Variants in ZFHX3 observed in about 807,000 individuals in gnomAD.
ZFHX3 encodes zinc finger homeobox protein 3.
ZFHX3 carries 42 observed loss-of-function variants against 279.1 expected under a neutral mutation model. That is an observed-to-expected ratio of 0.15 (90% CI 0.12 to 0.19). ZFHX3 has a LOEUF of 0.19. Ranked by LOEUF, ZFHX3 falls within the 10% of genes least tolerant of loss-of-function variation. The probability of loss-of-function intolerance (pLI) is 1.00; values close to 1 mark genes in which losing one functional copy is unlikely to be tolerated. For missense variants in ZFHX3, 4,981 were observed against 4,754.0 expected (o/e 1.05, Z -1.40); for synonymous variants, 2,293 against 1,957.8 (o/e 1.17, Z -4.52).
At chr16:73,333,404 A>G (rs1404693339) in intron 3 of ZFHX3, among the ~76,000 whole-genome samples, 1 of 152,234 alleles carries the variant, frequency 6.6e-6, no homozygotes, top group Admixed American at 6.5e-5. Context: ...ATAGACACAC[A>G]GAAAGATACA....
chr16:72,913,057 G>T (rs921769798), intron 3 of ZFHX3, among the ~76,000 whole-genome samples: 2 of 152,156 alleles, frequency 1.3e-5, no homozygotes, highest in Admixed American at 1.3e-4. Context: ...CCTGGTTTTT[G>T]AATTCTGATT....
At chr16:73,000,250 G>A (rs141980598) in intron 1 of ZFHX3, among the ~76,000 whole-genome samples, 5 of 152,326 alleles carry the variant, frequency 3.3e-5, no homozygotes, top group Admixed American at 3.3e-4. Context: ...GAGGAGGGAG[G>A]GACGAAGGGC....
chr16:73,573,833 G>A (rs34120783), intron 2 of ZFHX3, among the ~76,000 whole-genome samples: 28,700 of 152,000 alleles, frequency 0.19, 2,989 homozygotes, highest in African/African-American at 0.25. Flanking sequence ...GTATAAATGC[G>A]TATATGTGTG....
intron 3 of ZFHX3, among the ~76,000 whole-genome samples, chr16:73,443,491 TG>T (rs1430351796): frequency 6.6e-6 from 1 of 152,164 alleles, no homozygotes; most frequent in African/African-American, 2.4e-5. Flanking sequence ...CAAGATCCCT[TG>T]GAGATCCACG....
intron 2 of ZFHX3, chr16:73,679,892 A>AT (rs2052992952): frequency 6.6e-6 from 1 of 152,182 alleles, no homozygotes; most frequent in Non-Finnish European, 1.5e-5. Context: ...AACAGGATTC[A>AT]TTTTTTCCAG....
chr16:73,405,539 CAGAT>C (rs1003160523), intron 3 of ZFHX3, among the ~76,000 whole-genome samples: 1 of 151,756 alleles, frequency 6.6e-6, no homozygotes, highest in African/African-American at 2.4e-5. Flanking sequence ...AAAAGAAACA[CAGAT>C]AGAGGGAAAC....
chr16:73,578,340 T>C (rs1013741567), intron 2 of ZFHX3, among the ~76,000 whole-genome samples: 1 of 151,062 alleles, frequency 6.6e-6, no homozygotes, highest in South Asian at 2.1e-4. Flanking sequence ...TTAGAGATCG[T>C]ATATGGTCTA....
At chr16:73,455,236 C>G (rs560026297) in intron 3 of ZFHX3, among the ~76,000 whole-genome samples, 1 of 152,316 alleles carries the variant, frequency 6.6e-6, no homozygotes, top group African/African-American at 2.4e-5. Context: ...AATAGCACCT[C>G]TTATCTGAGA....
At chr16:73,750,270 C>A (rs563224057) in intron 1 of ZFHX3, among the ~76,000 whole-genome samples, 7 of 152,272 alleles carry the variant, frequency 4.6e-5, no homozygotes, top group Admixed American at 4.6e-4. Flanking sequence ...CCAAGCTCAG[C>A]AATGAGTGGA....
intron 1 of ZFHX3, among the ~76,000 whole-genome samples, chr16:73,802,700 A>C (rs1414669411): frequency 6.6e-6 from 1 of 152,250 alleles, no homozygotes; most frequent in Non-Finnish European, 1.5e-5. Flanking sequence ...CCAGAACTAA[A>C]GGTTGAAGAG....
At chr16:72,996,634 G>A (rs1432130831) in intron 1 of ZFHX3, among the ~76,000 whole-genome samples, 2 of 152,352 alleles carry the variant, frequency 1.3e-5, no homozygotes, top group East Asian at 3.9e-4. Flanking sequence ...AGGGGCTGGG[G>A]GCGTGGGAAC....
chr16:73,441,731 C>T (rs1436140040), intron 3 of ZFHX3, among the ~76,000 whole-genome samples: 1 of 152,128 alleles, frequency 6.6e-6, no homozygotes, highest in African/African-American at 2.4e-5. Flanking sequence ...GTTCAAATTC[C>T]AGCTCTGCCA....
chr16:73,068,025 G>A (rs1442543349), intron 8 of ZFHX3, among the ~76,000 whole-genome samples: 2 of 152,144 alleles, frequency 1.3e-5, no homozygotes, highest in Admixed American at 6.5e-5. Flanking sequence ...CCTCCCTAGA[G>A]AGCCCACATT....
At chr16:73,708,670 A>G (rs1203112945) in intron 1 of ZFHX3, among the ~76,000 whole-genome samples, 4 of 152,194 alleles carry the variant, frequency 2.6e-5, no homozygotes, top group Non-Finnish European at 4.4e-5. Flanking sequence ...TAAACTCATA[A>G]CAGGCAGATG....
chr16:73,109,877 C>CAAAAACA (rs1220699594), intron 7 of ZFHX3, among the ~76,000 whole-genome samples: 66 of 129,288 alleles, frequency 5.1e-4, no homozygotes, highest in African/African-American at 1.9e-3. Context: ...AAAACAAAAA[C>CAAAAACA]AAAAAACCAC....
At chr16:73,213,007 C>T (rs2012074647) in intron 5 of ZFHX3, among the ~76,000 whole-genome samples, 1 of 152,202 alleles carries the variant, frequency 6.6e-6, no homozygotes, top group South Asian at 2.1e-4. Context: ...TTATTAGTGT[C>T]CTTGACTCTT....
intron 5 of ZFHX3, among the ~76,000 whole-genome samples, chr16:73,182,563 C>A (rs1030949218): frequency 6.6e-6 from 1 of 152,148 alleles, no homozygotes; most frequent in Non-Finnish European, 1.5e-5. Flanking sequence ...GGAAAGAAAT[C>A]GTTACATCAG....
At chr16:73,392,944 C>A (rs960315797) in intron 3 of ZFHX3, among the ~76,000 whole-genome samples, 2 of 152,216 alleles carry the variant, frequency 1.3e-5, no homozygotes, top group Non-Finnish European at 2.9e-5. Flanking sequence ...AAGTCATTCT[C>A]CCGCCTCAGC....
chr16:72,863,272 G>A (rs2037927832), intron 4 of ZFHX3, among the ~76,000 whole-genome samples: 1 of 148,360 alleles, frequency 6.7e-6, no homozygotes. Context: ...GGAGGTCGGA[G>A]TGGGAGGATT....
Sources: allele counts gnomAD v4.1 joint callset (sites outside exome capture counted in the v4.1 genomes callset), GRCh38; gene constraint gnomAD v4.1.1; transcripts MANE v1.5; gene names NCBI Gene and HGNC (gene_info 2026-07-23, HGNC 2026-07-21).